USP44: variants seen among roughly 807,000 people sequenced by gnomAD.
USP44 encodes the protein ubiquitin carboxyl-terminal hydrolase 44.
A neutral mutation model predicts 69.0 loss-of-function variants in USP44; 61 were observed. The observed-to-expected ratio is 0.88, with a 90% confidence interval of 0.72 to 1.09. The LOEUF (loss-of-function observed/expected upper bound fraction) is 1.09. USP44 is among the 50% of genes least tolerant of loss of function. USP44 has a pLI of 0.00. For synonymous variants in USP44, 297 were observed against 295.4 expected, an observed-to-expected ratio of 1.01 and a Z score of -0.06; for missense variants, 753 against 849.9, an observed-to-expected ratio of 0.89 and a Z score of 1.42.
rs375964372 is a variant in USP44, at chr12:95,517,671, G to A, written c.*483C>T. 1 of 153,346 alleles carries A rather than the reference G, an allele frequency of 6.5e-6. No homozygotes were observed. Among genetic ancestry groups the A allele is most frequent in the Admixed American group, 6.5e-5 (1 of 15,502 alleles). 9.5% of individuals were successfully genotyped at this position (153,346 alleles called of 1,614,324 possible). A position where few individuals can be genotyped will look rare whatever the true frequency, so the allele number is the denominator to read the frequency against. The stretch of plus-strand genomic sequence containing the variant: ...CAAAGCCTCAGAAATACCAGTGAGT[G>A]TGACTGAAGAATATTTAGGTGATAC... On this transcript the variant is annotated 3_prime_UTR_variant, in exon 6 of 6. Transcript: ENST00000258499.
intron 1 of USP44, 105 bp from the exon 2 acceptor site, chr12:95,534,431 G>T: frequency 1.6e-6 from 1 of 612,494 alleles, no homozygotes; most frequent in Non-Finnish European, 2.7e-6. Context: ...TTTCTAGGCT[G>T]CTTATCATAA....
rs373366525 is a variant in USP44 at position 95,533,064 on chromosome 12, G to A, written c.1193C>T (p.Ala398Val). The change falls in exon 2 of 6, where the codon GCG (alanine) becomes GTG (valine). Residue 398 changes from alanine (A) to valine (V), a missense_variant. Physicochemically the swap from Ala to Val is moderately conservative, Grantham distance 64. Transcript: ENST00000258499. The stretch of plus-strand genomic sequence containing the variant: ...TAGCATAGCAAATGGTGAGACCAAC[G>A]CCCACTTTCCAGACCACATGACTTG... The part of the protein sequence containing the change: ...LFQVMWSGKW[A>V]LVSPFAMLHS... 8.7e-6 allele frequency: 14 copies of A among 1,614,062 alleles called. No individual in the cohort carries two copies. Among genetic ancestry groups the A allele is most frequent in the East Asian group, 4.5e-5 (2 of 44,894 alleles).
chr12:95,544,560 T>G (rs10777703), intron 1 of USP44, among the ~76,000 whole-genome samples: 42,485 of 151,838 alleles, frequency 0.28, 6,067 homozygotes, highest in Middle Eastern at 0.35. Flanking sequence ...TAGCTCAATT[T>G]TCAGATCCCT....
At position 95,516,997 on chromosome 12, in the gene USP44, C is replaced by T. The variant is rs1474841042; in HGVS notation, c.*1157G>A. 1 of 151,128 alleles carries T rather than the reference C, an allele frequency of 6.6e-6. No individual in the cohort carries two copies. Among genetic ancestry groups the T allele is most frequent in the Non-Finnish European group, 1.5e-5 (1 of 67,906 alleles). The allele number at this position is 151,128 out of a possible 1,614,324, so 9.4% of individuals were successfully genotyped here. ...TCTCCAAATAAGATAAAGTTAGCAG[C>T]AACAGGACTTTAAAGAAACCCAGTG... On this transcript the variant is annotated 3_prime_UTR_variant, in exon 6 of 6. Coordinates refer to ENST00000258499, the MANE Select transcript of USP44 (RefSeq NM_032147.5).
Position 95,517,953 on chromosome 12 carries a change from T to G in USP44, c.*201A>C, listed in dbSNP as rs1325720962. 2.0e-6 allele frequency: 1 copy of G among 488,506 alleles called. No individual in the cohort carries two copies. Among genetic ancestry groups the G allele is most frequent in the Admixed American group, 3.7e-5 (1 of 27,164 alleles). The allele number at this position is 488,506 out of a possible 1,614,324, so 30.3% of individuals were successfully genotyped here. ...TCAGTCTGAGGTAAACACCAAAAGT[T>G]TAAAACTCCAAATATGAAAAAAGTA... On this transcript the variant is annotated 3_prime_UTR_variant, in exon 6 of 6. Coordinates refer to ENST00000258499, the MANE Select transcript of USP44 (RefSeq NM_032147.5).
In USP44 at chr12:95,517,086, A is replaced by C. The variant is rs1337711867; in HGVS notation, c.*1068T>G. On this transcript the variant is annotated 3_prime_UTR_variant, in exon 6 of 6. Transcript: ENST00000258499. ...TTTTTTTTTGTGCAAGTTTAGATAG[A>C]TAGCTTTTAGTTTTTTTTTTTTTTT... 1 of 150,326 alleles carries C rather than the reference A, an allele frequency of 6.7e-6. No individual in the cohort carries two copies. Among genetic ancestry groups the C allele is most frequent in the Non-Finnish European group, 1.5e-5 (1 of 67,742 alleles). The allele number at this position is 150,326 out of a possible 1,614,324, so 9.3% of individuals were successfully genotyped here. A position where few individuals can be genotyped will look rare whatever the true frequency, so the allele number is the denominator to read the frequency against.
chr12:95,549,211 T>A (rs2077676974), intron 1 of USP44, among the ~76,000 whole-genome samples: 1 of 152,238 alleles, frequency 6.6e-6, no homozygotes, highest in Non-Finnish European at 1.5e-5. Flanking sequence ...CCGTTATCTT[T>A]AAAACCTTCC....
chr12:95,534,467 C>T (rs1453585547), intron 1 of USP44, 141 bp from the exon 2 acceptor site: 2 of 511,518 alleles, frequency 3.9e-6, no homozygotes, highest in Non-Finnish European at 6.8e-6. Flanking sequence ...TCCCATTTCC[C>T]TTTCTCTAAA....
intron 1 of USP44, among the ~76,000 whole-genome samples, 162 bp from the exon 2 acceptor site, chr12:95,534,488 C>G (rs1353478769): frequency 6.6e-6 from 1 of 152,202 alleles, no homozygotes; most frequent in Non-Finnish European, 1.5e-5. Context: ...CTTCCCTAAC[C>G]TCACATCCAC....
chr12:95,518,065 C>A lies in USP44; in HGVS notation c.*89G>T. 7.0e-7 allele frequency: 1 copy of A among 1,430,002 alleles called. No homozygotes were observed. Among genetic ancestry groups the A allele is most frequent in the Admixed American group, 2.0e-5 (1 of 49,304 alleles). The allele number at this position is 1,430,002 out of a possible 1,614,324, so 88.6% of individuals were successfully genotyped here. A position where few individuals can be genotyped will look rare whatever the true frequency, so the allele number is the denominator to read the frequency against. ...TGTATAAATGTAGTATACACTGATT[C>A]ACAAGAAAAAATGAAGTTTAAAATG... is the stretch of plus-strand genomic sequence containing the variant. On this transcript the variant is annotated 3_prime_UTR_variant, in exon 6 of 6. Coordinates refer to ENST00000258499, the MANE Select transcript of USP44 (RefSeq NM_032147.5).
At chr12:95,550,333 C>G (rs957168569) in intron 1 of USP44, among the ~76,000 whole-genome samples, 1 of 151,788 alleles carries the variant, frequency 6.6e-6, no homozygotes, top group East Asian at 1.9e-4. Flanking sequence ...AAAATGTAGT[C>G]ATGCAAATAA....
chr12:95,547,334 A>G (rs1240687403), intron 1 of USP44, among the ~76,000 whole-genome samples: 2 of 152,242 alleles, frequency 1.3e-5, no homozygotes, highest in African/African-American at 4.8e-5. Flanking sequence ...AACATATGCA[A>G]AACTAATGGC....
chr12:95,520,487 A>C (rs1306978399), intron 5 of USP44, among the ~76,000 whole-genome samples: 1 of 151,920 alleles, frequency 6.6e-6, no homozygotes, highest in Admixed American at 6.6e-5. Context: ...GCGAGACTCC[A>C]TCTCACAAAA....
Position 95,518,048 on chromosome 12 carries a change from TGTA to T in USP44, c.*103_*105del, listed in dbSNP as rs910883922. 3.8e-5 allele frequency: 45 copies of T among 1,194,278 alleles called. No individual in the cohort carries two copies. Among genetic ancestry groups the T allele is most frequent in the Non-Finnish European group, 4.4e-5 (38 of 857,230 alleles). 74.0% of individuals were successfully genotyped at this position (1,194,278 alleles called of 1,614,324 possible). ...AATTGTTAGATATAAAATGTATAAATGTAGTATACACTGATTCACAAGAAAAAA... is the reference window on the plus strand; with the variant it reads ...AATTGTTAGATATAAAATGTATAAATGTATACACTGATTCACAAGAAAAAA... On this transcript the variant is annotated 3_prime_UTR_variant, in exon 6 of 6. Coordinates refer to ENST00000258499, the MANE Select transcript of USP44 (RefSeq NM_032147.5).
intron 1 of USP44, among the ~76,000 whole-genome samples, chr12:95,536,667 A>C (rs1378679839): frequency 6.6e-6 from 1 of 152,140 alleles, no homozygotes; most frequent in African/African-American, 2.4e-5. Context: ...TCCAAGCTAC[A>C]ATCAAGTCTT....
chr12:95,518,268 A>G lies in USP44; in HGVS notation c.2025T>C (p.Tyr675=), dbSNP rs139234540. 6.2e-7 allele frequency: 1 copy of G among 1,614,106 alleles called. No homozygotes were observed. Among genetic ancestry groups the G allele is most frequent in the African/African-American group, 1.3e-5 (1 of 74,936 alleles). ...GTCCATTCTCAGTAACTCGTTGGGTATAAAACAAGATATAAGCTTGAGCCT... is the reference window on the plus strand; with the variant it reads ...GTCCATTCTCAGTAACTCGTTGGGTGTAAAACAAGATATAAGCTTGAGCCT... The part of the protein sequence containing the change: ...VCKAQAYILF[Y]TQRVTENGHS... Residue 675 remains tyrosine (Y), a synonymous_variant, in exon 6 of 6, where the codon TAT becomes TAC. Transcript: ENST00000258499.
At chr12:95,523,711 T>C (rs1042275326) in intron 4 of USP44, among the ~76,000 whole-genome samples, 1 of 128,696 alleles carries the variant, frequency 7.8e-6, no homozygotes, top group Admixed American at 7.5e-5. Context: ...AAAAAAGAGA[T>C]ACAATAAACT....
chr12:95,520,993 A>G lies in USP44; in HGVS notation c.1939+4T>C. ...CAAGATAAAATACTTTTTCTTATCT[A>G]TACCTCCTTCAGAATTATAGCAGTA... On this transcript the variant is annotated splice_donor_region_variant and intron_variant, in intron 5 of 5. Transcript: ENST00000258499. The G allele has an allele frequency of 1.9e-6, 3 of 1,614,074 alleles. No homozygotes were observed. The highest frequency in any genetic ancestry group is 2.5e-6 in the Non-Finnish European group (3 of 1,179,902).
chr12:95,531,192 AC>A (rs753205188), intron 2 of USP44, among the ~76,000 whole-genome samples: 39 of 152,182 alleles, frequency 2.6e-4, no homozygotes, highest in East Asian at 5.8e-4. Flanking sequence ...ACAAAAAAAA[AC>A]ATATGATGTT....
Sources: gnomAD v4.1 joint callset for allele counts (sites outside exome capture counted in the v4.1 genomes callset) on GRCh38, gnomAD v4.1.1 for gene constraint, MANE v1.5 for transcripts, NCBI Gene and HGNC (gene_info 2026-07-23, HGNC 2026-07-21) for gene names.